TMPRSS11F: variants seen among roughly 807,000 people sequenced by gnomAD.
TMPRSS11F encodes the protein transmembrane protease serine 11F.
A neutral mutation model predicts 60.2 loss-of-function variants in TMPRSS11F; 47 were observed. That is an observed-to-expected ratio of 0.78 (90% CI 0.62 to 1.00). The LOEUF (loss-of-function observed/expected upper bound fraction) is 1.00. TMPRSS11F is among the 50% of genes least tolerant of loss of function. TMPRSS11F has a pLI of 0.00. For missense variants in TMPRSS11F, 519 were observed against 522.9 expected (o/e 0.99, Z 0.07); for synonymous variants, 166 against 167.3 (o/e 0.99, Z 0.06).
rs1413186206 is a variant in TMPRSS11F at position 68,062,506 on chromosome 4, A to G, written c.1015+2179T>C. 4.2e-6 allele frequency: 3 copies of G among 716,148 alleles called. No homozygotes were observed. The African/African-American group carries it at 5.2e-5, about 12-fold the overall frequency. 44.4% of individuals were successfully genotyped at this position (716,148 alleles called of 1,614,324 possible). A position where few individuals can be genotyped will look rare whatever the true frequency, so the allele number is the denominator to read the frequency against. On this transcript the variant is annotated intron_variant, in intron 8 of 9. Transcript: ENST00000356291. Reference sequence around the variant, plus strand: ...AAACAGTAATGTTGTAATTAGAAATATGCTGCATTGGATGGTAACTGTTTG... The same window carrying G: ...AAACAGTAATGTTGTAATTAGAAATGTGCTGCATTGGATGGTAACTGTTTG...
intron 3 of TMPRSS11F, 31 bp from the exon 4 acceptor site, chr4:68,074,040 A>C: frequency 7.9e-7 from 1 of 1,264,164 alleles, no homozygotes; most frequent in Non-Finnish European, 1.1e-6. Context: ...ATTAGTCTTC[A>C]GAACTTAAAA....
intron 2 of TMPRSS11F, among the ~76,000 whole-genome samples, chr4:68,091,755 C>CTT (rs1560403392): frequency 7.1e-5 from 2 of 28,298 alleles, no homozygotes; most frequent in African/African-American, 1.1e-4. Flanking sequence ...TAATCTCTCT[C>CTT]TCTCTCTCTC....
intron 2 of TMPRSS11F, among the ~76,000 whole-genome samples, chr4:68,095,126 C>A (rs1042531767): frequency 1.3e-5 from 2 of 151,024 alleles, no homozygotes; most frequent in Non-Finnish European, 2.9e-5. Context: ...ATGAAGGCAG[C>A]ATTTTATATA....
chr4:68,120,589 C>T (rs899344933), intron 1 of TMPRSS11F, among the ~76,000 whole-genome samples: 3 of 151,600 alleles, frequency 2.0e-5, no homozygotes, highest in South Asian at 2.1e-4. Flanking sequence ...GGGGTTTCAC[C>T]GTTTTAGCCG....
chr4:68,085,067 T>C (rs1381848903), intron 3 of TMPRSS11F, among the ~76,000 whole-genome samples: 1 of 129,438 alleles, frequency 7.7e-6, no homozygotes, highest in East Asian at 2.2e-4. Context: ...CATGAACTCA[T>C]CATTTTTTAT....
At chr4:68,092,371 A>T (rs1329893472) in intron 2 of TMPRSS11F, among the ~76,000 whole-genome samples, 1 of 152,184 alleles carries the variant, frequency 6.6e-6, no homozygotes, top group Non-Finnish European at 1.5e-5. Context: ...GAGATAGCTT[A>T]TCATCACAAT....
At chr4:68,101,296 C>A (rs1475846229) in intron 1 of TMPRSS11F, among the ~76,000 whole-genome samples, 2 of 152,020 alleles carry the variant, frequency 1.3e-5, no homozygotes, top group Non-Finnish European at 2.9e-5. Context: ...GTGTAGCTGG[C>A]AGGTACAGTA....
chr4:68,123,333 T>C (rs1308647655), intron 1 of TMPRSS11F, among the ~76,000 whole-genome samples: 1 of 152,182 alleles, frequency 6.6e-6, no homozygotes, highest in Non-Finnish European at 1.5e-5. Context: ...GAATAAATCA[T>C]GAACGTCAAG....
chr4:68,055,091 C>T (rs947126449), intron 9 of TMPRSS11F, among the ~76,000 whole-genome samples: 7 of 151,930 alleles, frequency 4.6e-5, no homozygotes, highest in African/African-American at 7.3e-5. Flanking sequence ...TGCTCTGTGG[C>T]GCGAAGGAGC....
chr4:68,104,154 C>T (rs2109875511), intron 1 of TMPRSS11F, among the ~76,000 whole-genome samples: 1 of 152,206 alleles, frequency 6.6e-6, no homozygotes, highest in East Asian at 1.9e-4. Flanking sequence ...ACTGTTCTTG[C>T]CAGTAGTTCC....
At chr4:68,065,079 C>T in intron 7 of TMPRSS11F, 135 bp from the exon 8 acceptor site, 2 of 816,202 alleles carry the variant, frequency 2.5e-6, no homozygotes, top group Non-Finnish European at 1.8e-6. Flanking sequence ...TAGTTGATAA[C>T]ATAATAGGAA....
intron 3 of TMPRSS11F, among the ~76,000 whole-genome samples, chr4:68,088,468 A>G (rs1002474540): frequency 6.6e-6 from 1 of 151,520 alleles, no homozygotes; most frequent in Non-Finnish European, 1.5e-5. Flanking sequence ...CCCACTGTCA[A>G]CATTAGACAG....
chr4:68,092,645 A>C (rs1417172798), intron 2 of TMPRSS11F, among the ~76,000 whole-genome samples: 2 of 152,112 alleles, frequency 1.3e-5, no homozygotes, highest in Non-Finnish European at 2.9e-5. Flanking sequence ...CACATATATT[A>C]TCTTATTAAA....
At chr4:68,064,529 T>C (rs181482340) in intron 8 of TMPRSS11F, among the ~76,000 whole-genome samples, 156 bp downstream of exon 8, 62 of 152,258 alleles carry the variant, frequency 4.1e-4, no homozygotes, top group African/African-American at 1.3e-3. Flanking sequence ...ACCTGATTTT[T>C]ACTTTTTAAC....
chr4:68,082,250 A>G (rs925372648), intron 3 of TMPRSS11F, among the ~76,000 whole-genome samples: 2 of 152,152 alleles, frequency 1.3e-5, no homozygotes, highest in Non-Finnish European at 2.9e-5. Context: ...CATACCTACA[A>G]GAGATCCCAC....
rs1722989670 is a variant in TMPRSS11F at position 68,053,888 on chromosome 4, A to G, written c.*21T>C. ...AGTATCAGCTCTGTGTGCCATGTGT[A>G]TAACTCATGGGCAATCCACACTACA... On this transcript the variant is annotated 3_prime_UTR_variant, in exon 10 of 10. Transcript: ENST00000356291. 2 of 1,603,408 alleles carry G rather than the reference A, an allele frequency of 1.2e-6. No homozygotes were observed. The highest frequency in any genetic ancestry group is 1.7e-4 in the Middle Eastern group (1 of 6,018).
intron 3 of TMPRSS11F, among the ~76,000 whole-genome samples, chr4:68,075,228 A>T (rs77199434): frequency 0.041 from 6,194 of 152,044 alleles, 376 homozygotes; most frequent in African/African-American, 0.13. Flanking sequence ...CCTTGATTCA[A>T]TCTCATTGCT....
chr4:68,104,264 T>C (rs1243780399), intron 1 of TMPRSS11F, among the ~76,000 whole-genome samples: 6 of 152,106 alleles, frequency 3.9e-5, no homozygotes, highest in African/African-American at 1.4e-4. Context: ...ACGATATTGG[T>C]TGTAGGTTTT....
chr4:68,099,122 ATAGTT>A (rs757720683), intron 1 of TMPRSS11F, 84 bp from the exon 2 acceptor site: 50 of 1,240,286 alleles, frequency 4.0e-5, no homozygotes, highest in Non-Finnish European at 5.5e-5. Flanking sequence ...CTCTATGAAA[ATAGTT>A]TATACTGCTA....
Sources: allele counts gnomAD v4.1 joint callset (sites outside exome capture counted in the v4.1 genomes callset), GRCh38; gene constraint gnomAD v4.1.1; transcripts MANE v1.5; gene names NCBI Gene and HGNC (gene_info 2026-07-23, HGNC 2026-07-21).